Variants in DACH2 observed in about 807,000 individuals in gnomAD.
The protein encoded by DACH2 is dachshund family transcription factor 2, also known as dachshund homolog 2.
In DACH2, 17 loss-of-function variants were observed where a neutral mutation model predicts 35.8. That is an observed-to-expected ratio of 0.48 (90% CI 0.33 to 0.71). The LOEUF (loss-of-function observed/expected upper bound fraction) is 0.71. Ranked by LOEUF, DACH2 falls within the 30% of genes least tolerant of loss-of-function variation. The pLI is 0.02. For synonymous variants in DACH2, 195 were observed against 177.3 expected, an observed-to-expected ratio of 1.10 and a Z score of -0.79; for missense variants, 469 against 472.7, an observed-to-expected ratio of 0.99 and a Z score of 0.07.
chrX:86,742,701 CA>C, intron 7 of DACH2: 1 of 296,333 alleles, frequency 3.4e-6, no homozygotes, highest in Non-Finnish European at 6.5e-6. Context: ...GACTAACCAT[CA>C]AAAAATTCCA....
chrX:86,403,883 G>A lies in DACH2; in HGVS notation c.527+27021G>A, dbSNP rs1054779378. 1.5e-4 allele frequency among the ~76,000 whole-genome samples: 17 copies of A among 110,977 alleles called. No individual in the cohort carries two copies. In the South Asian group the frequency reaches 3.4e-3, roughly 22 times the overall value. On this transcript the variant is annotated intron_variant, in intron 2 of 11. Coordinates refer to ENST00000373125, the MANE Select transcript of DACH2 (RefSeq NM_053281.3). ...ACTCACACTTCTGTAGGGCTTGGGA[G>A]GACTCAGGAGACTTACATTCATGGT...
At chrX:86,313,389 T>G (rs1209609605) in intron 1 of DACH2, among the ~76,000 whole-genome samples, 2 of 111,692 alleles carry the variant, frequency 1.8e-5, no homozygotes, top group African/African-American at 3.3e-5. Context: ...TCAAAGTAAA[T>G]GAAACTGCAT....
At chrX:86,667,549 A>AAGG (rs2040705356) in intron 4 of DACH2, among the ~76,000 whole-genome samples, 4 of 32,415 alleles carry the variant, frequency 1.2e-4, no homozygotes, top group African/African-American at 4.3e-4. Context: ...AAGAAAGAAG[A>AAGG]AAGAAAGAAA....
chrX:86,348,372 A>T (rs948659777), intron 1 of DACH2, among the ~76,000 whole-genome samples: 4 of 112,300 alleles, frequency 3.6e-5, no homozygotes, highest in Non-Finnish European at 7.5e-5. Context: ...GTACTACTTA[A>T]CATGTTATTT....
intron 7 of DACH2, among the ~76,000 whole-genome samples, chrX:86,811,551 A>T (rs1276719385): frequency 9.0e-6 from 1 of 111,642 alleles, no homozygotes; most frequent in Non-Finnish European, 1.9e-5. Context: ...CTGACCAGAG[A>T]GATGCATACT....
rs746856621 is a variant in DACH2, at chrX:86,399,502, T to G, written c.527+22640T>G. ...TGATGGTCTTTACAATTTGGCATGT[T>G]TTTGCAGTGGCCGGTACCAGTTGTT... On this transcript the variant is annotated intron_variant, in intron 2 of 11. Coordinates refer to ENST00000373125, the MANE Select transcript of DACH2 (RefSeq NM_053281.3). 1.3e-4 allele frequency among the ~76,000 whole-genome samples: 15 copies of G among 111,996 alleles called. No homozygotes were observed. In the East Asian group the frequency reaches 3.6e-3, roughly 27 times the overall value.
At chrX:86,731,719 C>A (rs944713856) in intron 6 of DACH2, among the ~76,000 whole-genome samples, 1 of 111,600 alleles carries the variant, frequency 9.0e-6, no homozygotes, top group African/African-American at 3.2e-5. Flanking sequence ...GTGTGGATGC[C>A]TGCAAATGTC....
chrX:86,451,924 C>T (rs940744946), intron 2 of DACH2, among the ~76,000 whole-genome samples: 2 of 111,055 alleles, frequency 1.8e-5, no homozygotes, highest in African/African-American at 3.3e-5. Flanking sequence ...TGTCTTGTAC[C>T]GGTTGTAAGG....
At chrX:86,300,743 C>T (rs957040474) in intron 1 of DACH2, among the ~76,000 whole-genome samples, 6 of 111,951 alleles carry the variant, frequency 5.4e-5, no homozygotes, top group South Asian at 3.7e-4. Context: ...GGTGGGTCCT[C>T]TTCATTTAAA....
At chrX:86,298,147 A>G (rs765418147) in intron 1 of DACH2, among the ~76,000 whole-genome samples, 7 of 111,781 alleles carry the variant, frequency 6.3e-5, no homozygotes, top group Non-Finnish European at 1.1e-4. Flanking sequence ...TTAGAGCCCT[A>G]GAAATGTTTG....
intron 4 of DACH2, among the ~76,000 whole-genome samples, chrX:86,689,640 T>A (rs927896936): frequency 2.7e-5 from 3 of 111,820 alleles, no homozygotes; most frequent in African/African-American, 6.5e-5. Context: ...TGGCTTCTTT[T>A]TCTTTGCCTT....
chrX:86,540,933 G>A (rs1333091844), intron 3 of DACH2, among the ~76,000 whole-genome samples: 2 of 111,652 alleles, frequency 1.8e-5, no homozygotes, highest in Non-Finnish European at 3.8e-5. Flanking sequence ...ATTAAACAAA[G>A]TTTCCATCTA....
intron 3 of DACH2, among the ~76,000 whole-genome samples, chrX:86,527,933 C>A (rs918210621): frequency 8.9e-6 from 1 of 111,760 alleles, no homozygotes; most frequent in Admixed American, 9.6e-5. Flanking sequence ...TGTCTAGAAG[C>A]GGATTTTTGC....
rs138987633 is a variant in DACH2, at chrX:86,814,875, G to A, written c.1684+41G>A. 867 of 1,137,106 alleles carry A rather than the reference G, an allele frequency of 7.6e-4. 2 individuals are homozygous for A. The East Asian group carries it at 0.021, about 28-fold the overall frequency. 93.7% of individuals were successfully genotyped at this position (1,137,106 alleles called of 1,213,427 possible). ...GATTTTCACACTCAAGGTAAACAAA[G>A]CAAAACTGATTGAAGAAAAATAGAA... On this transcript the variant is annotated intron_variant, in intron 10 of 11. Transcript: ENST00000373125.
At chrX:86,543,000 G>C (rs1475600422) in intron 3 of DACH2, among the ~76,000 whole-genome samples, 2 of 112,261 alleles carry the variant, frequency 1.8e-5, no homozygotes, top group Non-Finnish European at 1.9e-5. Context: ...TCTAAGGAAA[G>C]GACATTTGAA....
At chrX:86,427,625 C>T (rs1334368501) in intron 2 of DACH2, among the ~76,000 whole-genome samples, 1 of 111,381 alleles carries the variant, frequency 9.0e-6, no homozygotes, top group African/African-American at 3.2e-5. Flanking sequence ...GCTGATTCTA[C>T]ATCCCTAAGA....
chrX:86,799,201 C>T (rs868751248), intron 7 of DACH2: 5 of 256,354 alleles, frequency 2.0e-5, no homozygotes, highest in African/African-American at 1.4e-4. Flanking sequence ...ACTGAAGGCA[C>T]TTTCCTTCAT....
chrX:86,562,786 C>T (rs576929564), intron 3 of DACH2, among the ~76,000 whole-genome samples: 2 of 111,354 alleles, frequency 1.8e-5, no homozygotes, highest in South Asian at 3.7e-4. Flanking sequence ...TCTGCTTTTG[C>T]ATGTTATTAT....
intron 1 of DACH2, chrX:86,161,311 T>C: frequency 1.7e-6 from 2 of 1,177,387 alleles, no homozygotes; most frequent in South Asian, 3.8e-5. Context: ...GCAGCAACAA[T>C]CAGGACAGCA....
Sources: allele counts gnomAD v4.1 joint callset (sites outside exome capture counted in the v4.1 genomes callset), GRCh38; gene constraint gnomAD v4.1.1; transcripts MANE v1.5; gene names NCBI Gene and HGNC (gene_info 2026-07-23, HGNC 2026-07-21).